Variants in ADAMTS17 observed in about 807,000 individuals in gnomAD.
The protein encoded by ADAMTS17 is A disintegrin and metalloproteinase with thrombospondin motifs 17.
Under a neutral mutation model 141.5 loss-of-function variants are expected in ADAMTS17, and 113 were observed. The ratio of observed to expected loss-of-function variants is 0.80; its 90% CI spans 0.69 to 0.93. The LOEUF (loss-of-function observed/expected upper bound fraction) is 0.93, where lower values mean the gene tolerates loss of function less well. Ranked by LOEUF, ADAMTS17 falls within the 40% of genes least tolerant of loss-of-function variation. The pLI is 0.00. For missense variants in ADAMTS17, 1,659 were observed against 1,517.9 expected, an observed-to-expected ratio of 1.09 and a Z score of -1.54; for synonymous variants, 768 against 630.6, an observed-to-expected ratio of 1.22 and a Z score of -3.27.
At chr15:100,275,692 C>T (rs549797361) in intron 4 of ADAMTS17, among the ~76,000 whole-genome samples, 2 of 152,160 alleles carry the variant, frequency 1.3e-5, no homozygotes, top group South Asian at 2.1e-4. Context: ...TGACGAAATC[C>T]ACCAGGTATG....
intron 7 of ADAMTS17, among the ~76,000 whole-genome samples, chr15:100,206,493 G>C (rs947592648): frequency 6.6e-6 from 1 of 152,076 alleles, no homozygotes; most frequent in Admixed American, 6.5e-5. Flanking sequence ...CGCCTATTTC[G>C]GTCAATAATT....
At position 100,052,572 on chromosome 15, in the gene ADAMTS17, T is replaced by G. The variant is rs555680859; in HGVS notation, c.2296-841A>C. ...GCTTTTGGTGAAAAGGGAAATACAT[T>G]CACATTGGTGTTTGCTAGAGAAAGC... On this transcript the variant is annotated intron_variant, in intron 16 of 21. Transcript: ENST00000268070. 8.5e-5 allele frequency among the ~76,000 whole-genome samples: 13 copies of G among 152,316 alleles called. No individual in the cohort carries two copies. The South Asian group carries it at 2.7e-3, about 32-fold the overall frequency.
intron 18 of ADAMTS17, among the ~76,000 whole-genome samples, chr15:100,033,806 T>C (rs1376669650): frequency 6.6e-6 from 1 of 152,220 alleles, no homozygotes; most frequent in Admixed American, 6.5e-5. Flanking sequence ...ACATTCTTTC[T>C]ATATTCTCTT....
intron 9 of ADAMTS17, among the ~76,000 whole-genome samples, chr15:100,153,409 G>C (rs942808823): frequency 6.6e-6 from 1 of 152,126 alleles, no homozygotes. Flanking sequence ...GGGAGGCTGA[G>C]GTGGGTGGAT....
intron 10 of ADAMTS17, among the ~76,000 whole-genome samples, chr15:100,145,030 A>G (rs766569263): frequency 7.9e-5 from 12 of 152,240 alleles, no homozygotes; most frequent in Non-Finnish European, 1.5e-4. Context: ...TCACAGTTTT[A>G]TTCCCTTGGC....
Position 100,068,265 on chromosome 15 carries a change from T to A in ADAMTS17, c.2138-14211A>T, listed in dbSNP as rs2033699369. 2.0e-5 allele frequency among the ~76,000 whole-genome samples: 3 copies of A among 151,520 alleles called. No individual in the cohort carries two copies. In the South Asian group the frequency reaches 6.3e-4, roughly 32 times the overall value. On this transcript the variant is annotated intron_variant, in intron 15 of 21. Transcript: ENST00000268070. ...AACAAAGCCACCGGGAAGCTCGAAC[T>A]GGGTGGAGCCCACCGCAGCTCAAGG...
chr15:100,156,404 C>T (rs142231179), intron 8 of ADAMTS17, among the ~76,000 whole-genome samples: 2 of 152,304 alleles, frequency 1.3e-5, no homozygotes, highest in East Asian at 1.9e-4. Context: ...CCAACTCCCA[C>T]GTGGAGTTGG....
intron 12 of ADAMTS17, among the ~76,000 whole-genome samples, chr15:100,117,304 G>C (rs1188012462): frequency 6.6e-6 from 1 of 152,170 alleles, no homozygotes; most frequent in Non-Finnish European, 1.5e-5. Flanking sequence ...TCCTTCATCT[G>C]AACTTAAAAT....
At chr15:100,316,994 G>C (rs1404833133) in intron 3 of ADAMTS17, among the ~76,000 whole-genome samples, 2 of 152,168 alleles carry the variant, frequency 1.3e-5, no homozygotes, top group African/African-American at 4.8e-5. Context: ...ACAGCCTCCG[G>C]GGAATAATAA....
intron 3 of ADAMTS17, among the ~76,000 whole-genome samples, chr15:100,329,037 A>G (rs1431458431): frequency 6.6e-6 from 1 of 152,090 alleles, no homozygotes; most frequent in South Asian, 2.1e-4. Flanking sequence ...ACCACCTGGG[A>G]GTCTTTACTT....
At chr15:100,032,068 G>A (rs1454430499) in intron 18 of ADAMTS17, among the ~76,000 whole-genome samples, 3 of 152,212 alleles carry the variant, frequency 2.0e-5, no homozygotes, top group Non-Finnish European at 4.4e-5. Context: ...ACAGCATGGA[G>A]GTTTCAGAAG....
At chr15:100,056,276 G>A (rs550223050) in intron 15 of ADAMTS17, among the ~76,000 whole-genome samples, 1 of 152,182 alleles carries the variant, frequency 6.6e-6, no homozygotes, top group African/African-American at 2.4e-5. Context: ...TCTTGCATAT[G>A]CATGTGTCTA....
intron 15 of ADAMTS17, among the ~76,000 whole-genome samples, chr15:100,061,787 C>T (rs1237701333): frequency 1.3e-5 from 2 of 152,228 alleles, no homozygotes; most frequent in African/African-American, 4.8e-5. Context: ...AGAACCACTA[C>T]TTCGACCTCC....
At chr15:100,337,255 G>C (rs1321534430) in intron 2 of ADAMTS17, among the ~76,000 whole-genome samples, 8 of 152,224 alleles carry the variant, frequency 5.3e-5, no homozygotes, top group Non-Finnish European at 1.2e-4. Context: ...CAAGTGGACT[G>C]GAATAGCTGT....
chr15:100,069,957 TAA>T lies in ADAMTS17; in HGVS notation c.2138-15905_2138-15904del, dbSNP rs1255937945. 2.7e-5 allele frequency among the ~76,000 whole-genome samples: 4 copies of T among 150,218 alleles called. No individual in the cohort carries two copies. In the South Asian group the frequency reaches 6.3e-4, roughly 24 times the overall value. ...AAAAGACACAGACTAGCAAACTGGA[TAA>T]AGAGTCAAGACCCATCAGTGTGCTG... On this transcript the variant is annotated intron_variant, in intron 15 of 21. Coordinates refer to ENST00000268070, the MANE Select transcript of ADAMTS17 (RefSeq NM_139057.4).
chr15:100,321,709 T>C (rs1459797181), intron 3 of ADAMTS17, among the ~76,000 whole-genome samples: 1 of 152,158 alleles, frequency 6.6e-6, no homozygotes, highest in Non-Finnish European at 1.5e-5. Context: ...AAAGCAGAGA[T>C]CAATAGAATT....
intron 15 of ADAMTS17, among the ~76,000 whole-genome samples, chr15:100,058,304 ACACCCCTATC>A (rs1432087698): frequency 5.8e-5 from 3 of 51,836 alleles, no homozygotes; most frequent in Non-Finnish European, 1.5e-4. Context: ...CCCGGCTCTA[ACACCCCTATC>A]CCGGCTCTAA....
At chr15:100,220,582 C>T (rs1405597068) in intron 7 of ADAMTS17, among the ~76,000 whole-genome samples, 1 of 152,158 alleles carries the variant, frequency 6.6e-6, no homozygotes, top group Non-Finnish European at 1.5e-5. Context: ...TTAGTACTTT[C>T]TCAAAGTTGT....
At chr15:100,207,315 A>C (rs1028103671) in intron 7 of ADAMTS17, among the ~76,000 whole-genome samples, 8 of 152,160 alleles carry the variant, frequency 5.3e-5, no homozygotes, top group African/African-American at 1.9e-4. Context: ...AACCAGTCCT[A>C]CTGGCACTGC....
Sources: gnomAD v4.1 joint callset for allele counts (sites outside exome capture counted in the v4.1 genomes callset) on GRCh38, gnomAD v4.1.1 for gene constraint, MANE v1.5 for transcripts, NCBI Gene and HGNC (gene_info 2026-07-23, HGNC 2026-07-21) for gene names.